The following RBFOX1 variants were observed in gnomAD, a reference collection of about 807,000 sequenced individuals.
RBFOX1 encodes RNA binding fox-1 homolog 1, also known as RNA binding protein fox-1 homolog 1.
RBFOX1 carries 8 observed loss-of-function variants against 57.7 expected under a neutral mutation model. The observed-to-expected ratio is 0.14, with a 90% CI of 0.08 to 0.25. The LOEUF (loss-of-function observed/expected upper bound fraction) is 0.25. Among genes scored for constraint, RBFOX1 ranks in the 10% least tolerant of loss-of-function variants. RBFOX1 has a pLI of 1.00. For missense variants in RBFOX1, 611 were observed against 548.5 expected (o/e 1.11, Z -1.14); for synonymous variants, 326 against 222.4 (o/e 1.47, Z -4.15).
At chr16:5,497,246 T>A (rs946775692) in intron 2 of RBFOX1, among the ~76,000 whole-genome samples, 3 of 152,058 alleles carry the variant, frequency 2.0e-5, no homozygotes, top group African/African-American at 7.2e-5. Context: ...TTTGAAATCC[T>A]TTGGGATATT....
At chr16:6,236,727 A>C (rs1396270279) in intron 1 of RBFOX1, among the ~76,000 whole-genome samples, 1 of 152,176 alleles carries the variant, frequency 6.6e-6, no homozygotes, top group African/African-American at 2.4e-5. Context: ...CTGGGATTAC[A>C]GGTGTGAGCC....
Position 6,199,221 on chromosome 16 carries a change from A to T in RBFOX1, c.-126-117774A>T, listed in dbSNP as rs193011483. 2.8e-3 allele frequency among the ~76,000 whole-genome samples: 431 copies of T among 152,302 alleles called. 3 individuals are homozygous for T. Among genetic ancestry groups the T allele is most frequent in the African/African-American group, 9.6e-3 (398 of 41,572 alleles). On this transcript the variant is annotated intron_variant, in intron 1 of 15. Transcript: ENST00000550418. ...ACTGGTTAAAACAAGCTAAATGCAC[A>T]TTCTTAATAATTTAAAGTCAGAGAA...
chr16:7,557,219 A>G (rs574682398), intron 5 of RBFOX1, among the ~76,000 whole-genome samples: 2 of 152,244 alleles, frequency 1.3e-5, no homozygotes, highest in South Asian at 2.1e-4. Context: ...GTTTCTTCCT[A>G]TAGCTGAGGG....
chr16:6,818,588 T>C lies in RBFOX1; in HGVS notation c.-16+163938T>C, dbSNP rs150618837. ...TTCTTCTAAAGTTGCTATGGCACTC[T>C]CATTTAACCTCTAGTAGGGCATGTA... On this transcript the variant is annotated intron_variant, in intron 3 of 15. Transcript: ENST00000550418. Among the ~76,000 whole-genome samples, 13 of 152,328 alleles carry C rather than the reference T, an allele frequency of 8.5e-5. No individual in the cohort carries two copies. In the East Asian group the frequency reaches 2.3e-3, roughly 27 times the overall value.
At chr16:6,095,493 G>C (rs527323814) in intron 1 of RBFOX1, among the ~76,000 whole-genome samples, 1 of 152,122 alleles carries the variant, frequency 6.6e-6, no homozygotes, top group Non-Finnish European at 1.5e-5. Context: ...TTCTCTTTCA[G>C]TTTCTGGGTT....
intron 4 of RBFOX1, among the ~76,000 whole-genome samples, chr16:7,493,563 G>A (rs1003713580): frequency 6.6e-6 from 1 of 150,572 alleles, no homozygotes; most frequent in Non-Finnish European, 1.5e-5. Context: ...TTACAAGGGG[G>A]AACACAGAGG....
At chr16:7,455,521 G>A (rs559030855) in intron 4 of RBFOX1, among the ~76,000 whole-genome samples, 23 of 152,188 alleles carry the variant, frequency 1.5e-4, no homozygotes, top group African/African-American at 5.1e-4. Flanking sequence ...GCCGGGCACC[G>A]TGGCTCATGC....
chr16:6,652,089 G>C (rs867519021), intron 2 of RBFOX1, among the ~76,000 whole-genome samples: 1 of 152,172 alleles, frequency 6.6e-6, no homozygotes, highest in Non-Finnish European at 1.5e-5. Context: ...TAGTCCTTTA[G>C]GGAGGTAATT....
At chr16:6,657,820 G>C (rs2098670784) in intron 3 of RBFOX1, among the ~76,000 whole-genome samples, 1 of 148,846 alleles carries the variant, frequency 6.7e-6, no homozygotes, top group Non-Finnish European at 1.5e-5. Context: ...TTTCTTTAAA[G>C]CTCTTTTTAT....
intron 1 of RBFOX1, among the ~76,000 whole-genome samples, chr16:6,227,402 GT>G (rs1404352895): frequency 6.6e-6 from 1 of 152,144 alleles, no homozygotes; most frequent in Non-Finnish European, 1.5e-5. Context: ...CCAATGTTCT[GT>G]GTTTGTTAGG....
At position 6,058,829 on chromosome 16, in the gene RBFOX1, TATTTATCCATCC is replaced by T. The variant is rs1394634043; in HGVS notation, c.-127+38840_-127+38851del. Among the ~76,000 whole-genome samples the T allele has an allele frequency of 4.2e-3, 529 of 125,580 alleles. 4 individuals are homozygous for T. Among genetic ancestry groups the T allele is most frequent in the South Asian group, 9.9e-3 (34 of 3,450 alleles). 82.4% of individuals were successfully genotyped at this position (125,580 alleles called of 152,430 possible). On this transcript the variant is annotated intron_variant, in intron 1 of 15. Coordinates refer to ENST00000550418, the MANE Select transcript of RBFOX1 (RefSeq NM_018723.4). ...CCATCCACCCACTTACCCACTCATT[TATTTATCCATCC>T]ATCCATCCATCCATCCATCCATCCA...
intron 4 of RBFOX1, among the ~76,000 whole-genome samples, chr16:5,989,976 T>A (rs772914009): frequency 6.6e-6 from 1 of 151,916 alleles, no homozygotes; most frequent in African/African-American, 2.4e-5. Flanking sequence ...CCTTGGAGAA[T>A]CTCCTCACAC....
chr16:5,293,348 C>T (rs1722836436), intron 1 of RBFOX1, among the ~76,000 whole-genome samples: 1 of 151,940 alleles, frequency 6.6e-6, no homozygotes, highest in African/African-American at 2.4e-5. Context: ...TGTTATCACA[C>T]CTCATCCCCA....
intron 2 of RBFOX1, among the ~76,000 whole-genome samples, chr16:5,588,515 C>A (rs1052265171): frequency 3.9e-5 from 6 of 152,136 alleles, no homozygotes; most frequent in African/African-American, 1.4e-4. Context: ...ACAGTCCAGG[C>A]AATCCAGGCA....
At chr16:5,253,687 A>G (rs1193786652) in intron 1 of RBFOX1, among the ~76,000 whole-genome samples, 2 of 152,220 alleles carry the variant, frequency 1.3e-5, no homozygotes, top group Non-Finnish European at 2.9e-5. Flanking sequence ...TGTTACAGAC[A>G]GGGTCTCAAT....
chr16:6,455,747 G>T (rs1448039530), intron 2 of RBFOX1, among the ~76,000 whole-genome samples: 1 of 152,130 alleles, frequency 6.6e-6, no homozygotes, highest in Non-Finnish European at 1.5e-5. Flanking sequence ...AGCTGGTAAT[G>T]ACCGTATTTG....
At chr16:7,078,585 T>G (rs1198694489) in intron 4 of RBFOX1, among the ~76,000 whole-genome samples, 1 of 152,076 alleles carries the variant, frequency 6.6e-6, no homozygotes, top group Admixed American at 6.6e-5. Flanking sequence ...TGGCCTCAAG[T>G]GATCCACCCA....
At position 7,513,062 on chromosome 16, in the gene RBFOX1, G is replaced by C. The variant is rs73484423; in HGVS notation, c.28-5085G>C. ...ATGGATCACTTGAGGCCAGCAGTTC[G>C]GGACCAGCCTGGCCAACAGTAAAAC... On this transcript the variant is annotated intron_variant, in intron 4 of 15. Transcript: ENST00000550418. Among the ~76,000 whole-genome samples, 3 of 118,026 alleles carry C rather than the reference G, an allele frequency of 2.5e-5. No individual in the cohort carries two copies. In the South Asian group the frequency reaches 1.1e-3, roughly 42 times the overall value. 77.4% of individuals were successfully genotyped at this position (118,026 alleles called of 152,430 possible). A position where few individuals can be genotyped will look rare whatever the true frequency, so the allele number is the denominator to read the frequency against.
intron 3 of RBFOX1, among the ~76,000 whole-genome samples, chr16:6,981,304 C>T (rs928950073): frequency 2.6e-5 from 4 of 151,940 alleles, no homozygotes; most frequent in Non-Finnish European, 4.4e-5. Flanking sequence ...TGTGTTTTGT[C>T]CCCCTCTATG....
Sources: allele counts gnomAD v4.1 joint callset (sites outside exome capture counted in the v4.1 genomes callset), GRCh38; gene constraint gnomAD v4.1.1; transcripts MANE v1.5; gene names NCBI Gene and HGNC (gene_info 2026-07-23, HGNC 2026-07-21).